Variants in AKAP12 observed in about 807,000 individuals in gnomAD.
The protein encoded by AKAP12 is A-kinase anchoring protein 12, also known as A-kinase anchor protein 12.
In AKAP12, 32 loss-of-function variants were observed where a neutral mutation model predicts 79.9. That is an observed-to-expected ratio of 0.40 (90% CI 0.30 to 0.54). The LOEUF is 0.54. Ranked by LOEUF, AKAP12 falls within the 20% of genes least tolerant of loss-of-function variation. The pLI, the probability that AKAP12 is intolerant of heterozygous loss-of-function variation, is 0.48. For synonymous variants in AKAP12, 808 were observed against 857.0 expected (o/e 0.94, Z 1.00); for missense variants, 2,074 against 2,177.0 (o/e 0.95, Z 0.94).
intron 2 of AKAP12, among the ~76,000 whole-genome samples, chr6:151,287,433 GCATTTTTT>G (rs1487182028): frequency 6.6e-6 from 1 of 151,784 alleles, no homozygotes; most frequent in East Asian, 1.9e-4. Flanking sequence ...GCCAATTTTT[GCATTTTTT>G]GTAGAGTTGG....
chr6:151,286,815 G>A (rs1228587855), intron 2 of AKAP12, among the ~76,000 whole-genome samples: 2 of 152,218 alleles, frequency 1.3e-5, no homozygotes, highest in Admixed American at 6.5e-5. Context: ...CTCAGAGCTC[G>A]AGAGAGTTCA....
intron 3 of AKAP12, among the ~76,000 whole-genome samples, chr6:151,329,380 T>A (rs906970824): frequency 6.6e-6 from 1 of 152,172 alleles, no homozygotes; most frequent in African/African-American, 2.4e-5. Flanking sequence ...CCTCCCAAAG[T>A]GGTGTGAGCC....
intron 3 of AKAP12, among the ~76,000 whole-genome samples, chr6:151,332,671 CT>C (rs1392588952): frequency 6.6e-6 from 1 of 152,178 alleles, no homozygotes. Flanking sequence ...AAGGATTAGT[CT>C]TTTTCCTGCG....
Position 151,349,681 on chromosome 6 carries a change from G to A in AKAP12, c.1290G>A (p.Glu430=). The change falls in exon 4 of 5, where the codon GAG becomes GAA. Residue 430 remains glutamate (E), a synonymous_variant. Coordinates refer to ENST00000402676, the MANE Select transcript of AKAP12 (RefSeq NM_005100.4). ...GCACCGTGGAGGAGAGAACCGAAGAGCAGAAAACGGAGGTGGAAGAAACAG... is the reference window on the plus strand; with the variant it reads ...GCACCGTGGAGGAGAGAACCGAAGAACAGAAAACGGAGGTGGAAGAAACAG... ...HVSTVEERTE[E]QKTEVEETAG... 1 of 1,614,126 alleles carries A rather than the reference G, an allele frequency of 6.2e-7. No homozygotes were observed. Among genetic ancestry groups the A allele is most frequent in the Non-Finnish European group, 8.5e-7 (1 of 1,180,030 alleles).
intron 3 of AKAP12, 31 bp from the exon 4 acceptor site, chr6:151,348,680 T>TTGGGGGGGGG: frequency 1.1e-4 from 40 of 355,194 alleles, no homozygotes; most frequent in Admixed American, 1.7e-4. Flanking sequence ...TTTTCTCTTC[T>TTGGGGGGGGG]CCCCACCCCC....
At chr6:151,282,345 G>A (rs975375899) in intron 2 of AKAP12, among the ~76,000 whole-genome samples, 2 of 151,364 alleles carry the variant, frequency 1.3e-5, no homozygotes, top group Non-Finnish European at 3.0e-5. Context: ...CCTGACCTCA[G>A]GTGATCCACC....
chr6:151,290,450 G>T (rs1179667651), intron 2 of AKAP12, among the ~76,000 whole-genome samples: 1 of 152,016 alleles, frequency 6.6e-6, no homozygotes, highest in Non-Finnish European at 1.5e-5. Context: ...AGACATCCAT[G>T]CCACTGGGTG....
chr6:151,331,322 A>G (rs552418429), intron 3 of AKAP12, among the ~76,000 whole-genome samples: 65 of 152,236 alleles, frequency 4.3e-4, no homozygotes, highest in African/African-American at 1.4e-3. Context: ...TTATTGAATA[A>G]GTGTTATAAT....
intron 3 of AKAP12, among the ~76,000 whole-genome samples, chr6:151,339,988 G>A (rs892714368): frequency 2.6e-5 from 4 of 151,402 alleles, no homozygotes; most frequent in African/African-American, 9.7e-5. Flanking sequence ...GTGCAGTGGC[G>A]CGATCTCAGC....
intron 3 of AKAP12, among the ~76,000 whole-genome samples, chr6:151,321,229 T>C (rs1777377337): frequency 6.6e-6 from 1 of 152,118 alleles, no homozygotes; most frequent in African/African-American, 2.4e-5. Flanking sequence ...TCAAGTGATC[T>C]GCCCGCCTCG....
chr6:151,324,641 G>A (rs956323643), intron 3 of AKAP12: 1 of 985,222 alleles, frequency 1.0e-6, no homozygotes, highest in Non-Finnish European at 1.2e-6. Flanking sequence ...TTTGTGTAGG[G>A]GAAGAGCTGG....
chr6:151,281,190 G>C (rs1318029124), intron 2 of AKAP12, among the ~76,000 whole-genome samples: 1 of 152,160 alleles, frequency 6.6e-6, no homozygotes, highest in Non-Finnish European at 1.5e-5. Context: ...CATTAGATAA[G>C]TGACTTAACT....
At chr6:151,326,818 G>T (rs2347437) in intron 3 of AKAP12, among the ~76,000 whole-genome samples, 47,298 of 151,342 alleles carry the variant, frequency 0.31, 7,841 homozygotes, top group East Asian at 0.6. Context: ...TTGTTTGTTT[G>T]TTTTTTGTTT....
Position 151,348,741 on chromosome 6 carries a change from A to C in AKAP12, c.350A>C (p.Lys117Thr), listed in dbSNP as rs556767364. The C allele has an allele frequency of 7.3e-7, 1 of 1,364,580 alleles. No individual in the cohort carries two copies. Among genetic ancestry groups the C allele is most frequent in the Non-Finnish European group, 9.7e-7 (1 of 1,030,388 alleles). 84.5% of individuals were successfully genotyped at this position (1,364,580 alleles called of 1,614,324 possible). A position where few individuals can be genotyped will look rare whatever the true frequency, so the allele number is the denominator to read the frequency against. The change falls in exon 4 of 5, where the codon AAA becomes ACA. Residue 117 changes from lysine to threonine, a missense_variant. Physicochemically the swap from Lys to Thr is moderately conservative, Grantham distance 78. Around this residue, in one of 3 missense-constraint regions of AKAP12, gnomAD observed 1,428 missense variants for 1,451.0 expected, o/e 0.98. Transcript: ENST00000402676. ...CAGAGAGACTCTGAAGATGTGAGCAAAAGAGACTCCGATAAAGAGATGGCT... is the reference window on the plus strand; with the variant it reads ...CAGAGAGACTCTGAAGATGTGAGCACAAGAGACTCCGATAAAGAGATGGCT... Reference protein sequence around the residue: ...VGQRDSEDVSKRDSDKEMATK... With the variant: ...VGQRDSEDVSTRDSDKEMATK...
intron 2 of AKAP12, among the ~76,000 whole-genome samples, chr6:151,278,739 C>T (rs916715428): frequency 1.3e-5 from 2 of 152,090 alleles, no homozygotes; most frequent in Middle Eastern, 3.4e-3. Flanking sequence ...GCGATCTCCG[C>T]TCACTGCAAG....
At chr6:151,256,941 G>A (rs575506761) in intron 2 of AKAP12, among the ~76,000 whole-genome samples, 4 of 77,970 alleles carry the variant, frequency 5.1e-5, no homozygotes, top group East Asian at 3.0e-4. Flanking sequence ...GAGCCACCGC[G>A]CCCGGCCTAT....
intron 2 of AKAP12, among the ~76,000 whole-genome samples, chr6:151,273,112 G>GT (rs1776223195): frequency 6.6e-6 from 1 of 151,880 alleles, no homozygotes; most frequent in South Asian, 2.1e-4. Context: ...TTTCACCGTG[G>GT]TAGCCAGGAT....
rs71014573 is a variant in AKAP12 at position 151,332,033 on chromosome 6, G to GTT, written c.320-16658_320-16657dup. ...GAGTAGCACGTCCAGTTCTGGGTCT[G>GTT]TTTTTTTTTTTTTTTTTTTTTGAGA... On this transcript the variant is annotated intron_variant, in intron 3 of 4. Transcript: ENST00000402676. Among the ~76,000 whole-genome samples, 279 of 79,628 alleles carry GTT rather than the reference G, an allele frequency of 3.5e-3. 3 individuals carry two copies. The highest frequency in any genetic ancestry group is 5.5e-3 in the Non-Finnish European group (227 of 41,386). The allele number at this position is 79,628 out of a possible 152,430, so 52.2% of individuals were successfully genotyped here.
At position 151,356,485 on chromosome 6, in the gene AKAP12, A is replaced by G. The variant is rs1191897920; in HGVS notation, c.*771A>G. On this transcript the variant is annotated 3_prime_UTR_variant, in exon 5 of 5. Transcript: ENST00000402676. Reference sequence around the variant, plus strand: ...CTTTACATCCTTTTTCCTACTTGTTATGGTTGTTTGGACCGATAAGTGTGC... The same window carrying G: ...CTTTACATCCTTTTTCCTACTTGTTGTGGTTGTTTGGACCGATAAGTGTGC... 6.6e-6 allele frequency: 1 copy of G among 151,978 alleles called. No individual in the cohort carries two copies. The highest frequency in any genetic ancestry group is 1.5e-5 in the Non-Finnish European group (1 of 68,030). The allele number at this position is 151,978 out of a possible 1,614,324, so 9.4% of individuals were successfully genotyped here. A position where few individuals can be genotyped will look rare whatever the true frequency, so the allele number is the denominator to read the frequency against.
Sources: allele counts gnomAD v4.1 joint callset (sites outside exome capture counted in the v4.1 genomes callset), GRCh38; gene constraint gnomAD v4.1.1; regional missense constraint gnomAD v4.1.1; transcripts MANE v1.5; gene names NCBI Gene and HGNC (gene_info 2026-07-23, HGNC 2026-07-21).